TMPRSS11A: variants seen among roughly 807,000 people sequenced by gnomAD.
The protein encoded by TMPRSS11A is transmembrane protease serine 11A.
In TMPRSS11A, 53 loss-of-function variants were observed where a neutral mutation model predicts 58.9. The ratio of observed to expected loss-of-function variants is 0.90; its 90% CI spans 0.72 to 1.13. TMPRSS11A has a LOEUF of 1.13. Ranked by LOEUF, TMPRSS11A falls within the 50% of genes most tolerant of loss-of-function variation. TMPRSS11A has a pLI of 0.00. For missense variants in TMPRSS11A, 493 were observed against 499.3 expected (o/e 0.99, Z 0.12); for synonymous variants, 167 against 169.8 (o/e 0.98, Z 0.13).
chr4:67,912,678 T>G (rs1211615865), intron 9 of TMPRSS11A, among the ~76,000 whole-genome samples: 3 of 152,190 alleles, frequency 2.0e-5, no homozygotes, highest in Non-Finnish European at 4.4e-5. Context: ...CCTTCTAGAG[T>G]TACTGTTGAG....
intron 7 of TMPRSS11A, among the ~76,000 whole-genome samples, chr4:67,919,548 G>A (rs796192259): frequency 2.6e-5 from 4 of 152,252 alleles, no homozygotes; most frequent in African/African-American, 7.2e-5. Context: ...CTGAACTGCT[G>A]GGGATAAAGT....
chr4:67,920,394 C>G (rs1021702554), intron 7 of TMPRSS11A, among the ~76,000 whole-genome samples: 27 of 151,606 alleles, frequency 1.8e-4, no homozygotes, highest in Admixed American at 1.6e-3. Context: ...TGACACTAGT[C>G]ACACATCTGT....
At chr4:67,945,030 C>T (rs898244691) in intron 2 of TMPRSS11A, among the ~76,000 whole-genome samples, 2 of 152,154 alleles carry the variant, frequency 1.3e-5, no homozygotes, top group African/African-American at 2.4e-5. Flanking sequence ...TGCTACATTG[C>T]TCCTTGCTGA....
At position 67,909,745 on chromosome 4, in the gene TMPRSS11A, T is replaced by C. The variant is rs1719918101; in HGVS notation, c.*1597A>G. 1 of 152,092 alleles carries C rather than the reference T, an allele frequency of 6.6e-6. No homozygotes were observed. The highest frequency in any genetic ancestry group is 2.4e-5 in the African/African-American group (1 of 41,442). 9.4% of individuals were successfully genotyped at this position (152,092 alleles called of 1,614,324 possible). A position where few individuals can be genotyped will look rare whatever the true frequency, so the allele number is the denominator to read the frequency against. ...CTCACTTAAAATTTTACAGATCTGA[T>C]GATTCAATAAAAATAGTTAAGAATT... On this transcript the variant is annotated 3_prime_UTR_variant, in exon 10 of 10. Transcript: ENST00000508048.
intron 9 of TMPRSS11A, among the ~76,000 whole-genome samples, 167 bp from the exon 10 acceptor site, chr4:67,911,670 A>G (rs1719984682): frequency 6.6e-6 from 1 of 152,192 alleles, no homozygotes; most frequent in Non-Finnish European, 1.5e-5. Context: ...AAAGAGCCTT[A>G]AGGTTCAACT....
intron 1 of TMPRSS11A, among the ~76,000 whole-genome samples, chr4:67,948,950 T>C (rs1271736999): frequency 6.6e-6 from 1 of 152,128 alleles, no homozygotes; most frequent in Non-Finnish European, 1.5e-5. Context: ...CCCCTCTCGA[T>C]TGATTTCGTT....
intron 1 of TMPRSS11A, among the ~76,000 whole-genome samples, chr4:67,955,778 C>A (rs184901238): frequency 1.8e-4 from 28 of 152,164 alleles, no homozygotes; most frequent in African/African-American, 6.8e-4. Flanking sequence ...TCTCTACCCT[C>A]ATGCAATTCA....
chr4:67,911,622 C>T, intron 9 of TMPRSS11A, 119 bp from the exon 10 acceptor site: 1 of 598,090 alleles, frequency 1.7e-6, no homozygotes, highest in Non-Finnish European at 2.7e-6. Flanking sequence ...AGACTATCAA[C>T]ACAGAATAAT....
Position 67,914,581 on chromosome 4 carries a change from A to G in TMPRSS11A, c.1095+7T>C. On this transcript the variant is annotated splice_region_variant and intron_variant, in intron 9 of 9. Transcript: ENST00000508048. ...GTTAGTAATATAAAAAAATCCCTCC[A>G]ACTTACCCTGCAGGCATCATAAATT... 1 of 1,612,694 alleles carries G rather than the reference A, an allele frequency of 6.2e-7. No individual in the cohort carries two copies. The highest frequency in any genetic ancestry group is 8.5e-7 in the Non-Finnish European group (1 of 1,179,428).
intron 3 of TMPRSS11A, among the ~76,000 whole-genome samples, chr4:67,937,843 T>C (rs1186929734): frequency 6.6e-6 from 1 of 152,172 alleles, no homozygotes; most frequent in Non-Finnish European, 1.5e-5. Flanking sequence ...ATCTTTGCTA[T>C]TGTGAATACT....
Position 67,922,908 on chromosome 4 carries a change from A to G in TMPRSS11A, c.539T>C (p.Val180Ala). The G allele has an allele frequency of 1.2e-6, 2 of 1,614,132 alleles. No individual in the cohort carries two copies. Among genetic ancestry groups the G allele is most frequent in the Non-Finnish European group, 1.7e-6 (2 of 1,179,994 alleles). The change falls in exon 7 of 10, where the codon GTT becomes GCT. Residue 180 changes from valine (V) to alanine (A), a missense_variant. Physicochemically the swap from Val to Ala is moderately conservative, Grantham distance 64. Coordinates refer to ENST00000508048, the MANE Select transcript of TMPRSS11A (RefSeq NM_001114387.2). The stretch of plus-strand genomic sequence containing the variant: ...TGCTATTCTGTTGACGTTTAATGGA[A>G]CAACTCGTTTACCACAACCTGAAAA... Reference protein sequence around the residue: ...TVQASCGKRVVPLNVNRIASG... With the variant: ...TVQASCGKRVAPLNVNRIASG...
intron 8 of TMPRSS11A, among the ~76,000 whole-genome samples, chr4:67,915,002 A>G (rs1720109361): frequency 1.3e-5 from 2 of 152,112 alleles, no homozygotes. Context: ...TAATCAGCTT[A>G]TATATTTCAG....
At chr4:67,946,427 G>C in intron 2 of TMPRSS11A, 23 bp downstream of exon 2, 2 of 1,576,304 alleles carry the variant, frequency 1.3e-6, no homozygotes, top group Non-Finnish European at 1.7e-6. Context: ...ATCAAATAGA[G>C]TGAAATCTTT....
intron 7 of TMPRSS11A, among the ~76,000 whole-genome samples, chr4:67,920,783 C>A (rs1348434815): frequency 6.6e-6 from 1 of 151,788 alleles, no homozygotes; most frequent in African/African-American, 2.4e-5. Context: ...CTCTAGCACT[C>A]TTCGGTATAG....
intron 9 of TMPRSS11A, among the ~76,000 whole-genome samples, chr4:67,912,823 T>G (rs1720020443): frequency 6.6e-6 from 1 of 152,192 alleles, no homozygotes; most frequent in South Asian, 2.1e-4. Flanking sequence ...TACTTGGACC[T>G]TTTCTTCAAT....
intron 3 of TMPRSS11A, among the ~76,000 whole-genome samples, chr4:67,944,019 C>CA (rs1720940511): frequency 6.6e-6 from 1 of 152,034 alleles, no homozygotes; most frequent in Non-Finnish European, 1.5e-5. Flanking sequence ...TTAGCTTTAA[C>CA]AAAATTATTA....
chr4:67,942,397 A>G (rs899176517), intron 3 of TMPRSS11A, among the ~76,000 whole-genome samples: 1 of 152,174 alleles, frequency 6.6e-6, no homozygotes, highest in Non-Finnish European at 1.5e-5. Context: ...GGCTTCTGCC[A>G]TGAGGGACAC....
Position 67,911,279 on chromosome 4 carries a change from T to C in TMPRSS11A, c.*63A>G. On this transcript the variant is annotated 3_prime_UTR_variant, in exon 10 of 10. Transcript: ENST00000508048. ...ACTTTGTTGTACTACACCCACTAAA[T>C]AGTTGAATTCTCATGCATATATGAC... 5 of 1,467,814 alleles carry C rather than the reference T, an allele frequency of 3.4e-6. No homozygotes were observed. Among genetic ancestry groups the C allele is most frequent in the Non-Finnish European group, 4.7e-6 (5 of 1,064,488 alleles). 90.9% of individuals were successfully genotyped at this position (1,467,814 alleles called of 1,614,324 possible).
intron 7 of TMPRSS11A, among the ~76,000 whole-genome samples, chr4:67,920,085 G>A (rs1274366090): frequency 6.6e-6 from 1 of 152,146 alleles, no homozygotes; most frequent in East Asian, 1.9e-4. Flanking sequence ...TGACTGCATA[G>A]TCCTTTGAGA....
Sources: gnomAD v4.1 joint callset for allele counts (sites outside exome capture counted in the v4.1 genomes callset) on GRCh38, gnomAD v4.1.1 for gene constraint, MANE v1.5 for transcripts, NCBI Gene and HGNC (gene_info 2026-07-23, HGNC 2026-07-21) for gene names.